Variants in KRR1 observed in about 807,000 individuals in gnomAD.
The protein encoded by KRR1 is KRR1 small subunit processome component homolog.
Under a neutral mutation model 50.0 loss-of-function variants are expected in KRR1, and 23 were observed. The observed-to-expected ratio is 0.46, with a 90% confidence interval of 0.33 to 0.65. The LOEUF (loss-of-function observed/expected upper bound fraction) is 0.65, where lower values mean the gene tolerates loss of function less well. Among genes scored for constraint, KRR1 ranks in the 30% least tolerant of loss-of-function variants. The pLI is 0.02. For synonymous variants in KRR1, 133 were observed against 146.3 expected (o/e 0.91, Z 0.66); for missense variants, 419 against 442.4 (o/e 0.95, Z 0.47).
chr12:75,506,740 A>G, intron 3 of KRR1, 42 bp downstream of exon 3: 1 of 1,595,316 alleles, frequency 6.3e-7, no homozygotes, highest in South Asian at 1.1e-5. Context: ...ATAGGTTAAC[A>G]CTGATGCAAA....
intron 7 of KRR1, chr12:75,503,339 T>A (rs2046407122): frequency 6.6e-6 from 1 of 152,128 alleles, no homozygotes; most frequent in Non-Finnish European, 1.5e-5. Context: ...GTAGCCACGT[T>A]GCAAGGAAGA....
chr12:75,509,830 C>G (rs2046438826), intron 1 of KRR1, among the ~76,000 whole-genome samples: 1 of 150,586 alleles, frequency 6.6e-6, no homozygotes, highest in Non-Finnish European at 1.5e-5. Flanking sequence ...CTCAAGCAAT[C>G]CCCCCTCCTC....
At chr12:75,510,989 A>G (rs1486519306) in intron 1 of KRR1, among the ~76,000 whole-genome samples, 1 of 152,232 alleles carries the variant, frequency 6.6e-6, no homozygotes, top group Non-Finnish European at 1.5e-5. Context: ...AACACAACCT[A>G]AACAGTAAGG....
rs2046421724 is a variant in KRR1 at position 75,506,413 on chromosome 12, T to C, written c.520-14A>G. On this transcript the variant is annotated splice_polypyrimidine_tract_variant and intron_variant, in intron 4 of 9. Transcript: ENST00000229214. ...GAGTTCCAATGCCTGTATCAAGAGA[T>C]CAAGTTAAAATTCATTACTCTGAAA... The C allele has an allele frequency of 1.2e-6, 2 of 1,605,388 alleles. No individual in the cohort carries two copies. Among genetic ancestry groups the C allele is most frequent in the South Asian group, 2.2e-5 (2 of 90,088 alleles).
At chr12:75,511,190 G>A (rs2046446766) in intron 1 of KRR1, among the ~76,000 whole-genome samples, 1 of 152,154 alleles carries the variant, frequency 6.6e-6, no homozygotes, top group Non-Finnish European at 1.5e-5. Context: ...TTCCGTCAGT[G>A]ACTTTCAGCC....
chr12:75,509,454 A>G (rs2120637352), intron 1 of KRR1, among the ~76,000 whole-genome samples: 1 of 152,304 alleles, frequency 6.6e-6, no homozygotes, highest in East Asian at 1.9e-4. Context: ...CTTTCTGCTT[A>G]TACTCACATC....
rs1177914892 is a variant in KRR1, at chr12:75,498,505, A to C, written c.*1304T>G. ...AAAAGGTTTATAAAGTTTATGTAAA[A>C]AGTCAACTTAAAAATACCAAGTTAA... On this transcript the variant is annotated 3_prime_UTR_variant, in exon 10 of 10. Coordinates refer to ENST00000229214, the MANE Select transcript of KRR1 (RefSeq NM_007043.7). 10 of 531,556 alleles carry C rather than the reference A, an allele frequency of 1.9e-5. No individual in the cohort carries two copies. Among genetic ancestry groups the C allele is most frequent in the East Asian group, 5.9e-5 (2 of 34,044 alleles). 32.9% of individuals were successfully genotyped at this position (531,556 alleles called of 1,614,324 possible).
Position 75,492,926 on chromosome 12 carries a change from A to G in KRR1, c.*6883T>C, listed in dbSNP as rs1053628199. ...AGGCCCCTGTTTAGAATAATCAGGG[A>G]AGGGCTTCTTGTGTTATATTTAAGC... On this transcript the variant is annotated 3_prime_UTR_variant, in exon 10 of 10. Coordinates refer to ENST00000229214, the MANE Select transcript of KRR1 (RefSeq NM_007043.7). The G allele has an allele frequency of 2.6e-5, 4 of 152,224 alleles. No homozygotes were observed. The highest frequency in any genetic ancestry group is 5.9e-5 in the Non-Finnish European group (4 of 68,042). The allele number at this position is 152,224 out of a possible 1,614,324, so 9.4% of individuals were successfully genotyped here. A position where few individuals can be genotyped will look rare whatever the true frequency, so the allele number is the denominator to read the frequency against.
At chr12:75,505,599 A>C (rs1037604525) in intron 5 of KRR1, among the ~76,000 whole-genome samples, 5 of 152,076 alleles carry the variant, frequency 3.3e-5, no homozygotes, top group Admixed American at 3.3e-4. Context: ...TTGTAATATA[A>C]GATAAAACCA....
At chr12:75,504,674 C>T (rs750325353) in intron 6 of KRR1, among the ~76,000 whole-genome samples, 45 of 151,974 alleles carry the variant, frequency 3.0e-4, no homozygotes, top group Non-Finnish European at 4.3e-4. Context: ...GCTCAACAAA[C>T]CCATCATAAA....
At chr12:75,500,802 T>C (rs2046388616) in intron 9 of KRR1, 1 of 152,044 alleles carries the variant, frequency 6.6e-6, no homozygotes. Context: ...CACAGAGTGT[T>C]AAAGCCTCCA....
At chr12:75,509,016 GTAT>G (rs1238764914) in intron 1 of KRR1, among the ~76,000 whole-genome samples, 2 of 152,048 alleles carry the variant, frequency 1.3e-5, no homozygotes, top group Non-Finnish European at 2.9e-5. Flanking sequence ...GGTAGAATCT[GTAT>G]TATTATTCTC....
rs751449948 is a variant in KRR1 at position 75,499,893 on chromosome 12, C to A, written c.1062G>T (p.Lys354Asn). 1.1e-5 allele frequency: 17 copies of A among 1,608,884 alleles called. No individual in the cohort carries two copies. In the African/African-American group the frequency reaches 1.5e-4, roughly 14 times the overall value. Residue 354 changes from lysine (K) to asparagine (N), a missense_variant, in exon 10 of 10, where the codon AAG (lysine) becomes AAT (asparagine). Transcript: ENST00000229214. ...ASIKEKVKKA[K>N]NKKLGALTAE... ...CTGTAAGAGCTCCCAGTTTCTTATT[C>A]TTTGCTTTCTTAACCTTTTCCTTGA...
Position 75,491,616 on chromosome 12 carries a change from T to C in KRR1, c.*8193A>G, listed in dbSNP as rs1324792236. The C allele has an allele frequency of 5.9e-5, 9 of 152,172 alleles. No homozygotes were observed. Among genetic ancestry groups the C allele is most frequent in the Non-Finnish European group, 8.8e-5 (6 of 68,016 alleles). The allele number at this position is 152,172 out of a possible 1,614,324, so 9.4% of individuals were successfully genotyped here. Reference sequence around the variant, plus strand: ...TCAATTTGTATTTCACCATCAGTACTAGGTATTATAATTTCTTAGTATTTT... The same window carrying C: ...TCAATTTGTATTTCACCATCAGTACCAGGTATTATAATTTCTTAGTATTTT... On this transcript the variant is annotated 3_prime_UTR_variant, in exon 10 of 10. Coordinates refer to ENST00000229214, the MANE Select transcript of KRR1 (RefSeq NM_007043.7).
In KRR1 at chr12:75,497,898, A is replaced by T. The variant is rs11180552; in HGVS notation, c.*1911T>A. 2.0e-5 allele frequency: 3 copies of T among 151,832 alleles called. No homozygotes were observed. Among genetic ancestry groups the T allele is most frequent in the Middle Eastern group, 3.4e-3 (1 of 290 alleles). 9.4% of individuals were successfully genotyped at this position (151,832 alleles called of 1,614,324 possible). On this transcript the variant is annotated 3_prime_UTR_variant, in exon 10 of 10. Transcript: ENST00000229214. ...ATTGAACATTTAAAAATATATATAA[A>T]AAAAAATAACTAGAACATCACACTC...
Position 75,494,656 on chromosome 12 carries a change from A to G in KRR1, c.*5153T>C, listed in dbSNP as rs183798421. 6.6e-6 allele frequency: 1 copy of G among 152,348 alleles called. No individual in the cohort carries two copies. Among genetic ancestry groups the G allele is most frequent in the East Asian group, 1.9e-4 (1 of 5,190 alleles). The allele number at this position is 152,348 out of a possible 1,614,324, so 9.4% of individuals were successfully genotyped here. ...GCCCATAGGCCTCACCAGACTGCCA[A>G]AGGGTACGATTACACAAAAAAGTTT... On this transcript the variant is annotated 3_prime_UTR_variant, in exon 10 of 10. Coordinates refer to ENST00000229214, the MANE Select transcript of KRR1 (RefSeq NM_007043.7).
In KRR1 at chr12:75,498,878, C is replaced by A; in HGVS notation, c.*931G>T. Reference sequence around the variant, plus strand: ...CCCATATATCCACGTAACAGATACACTTCTCTCTTTCTCATTGTTAATTCA... The same window carrying A: ...CCCATATATCCACGTAACAGATACAATTCTCTCTTTCTCATTGTTAATTCA... On this transcript the variant is annotated 3_prime_UTR_variant, in exon 10 of 10. Transcript: ENST00000229214. 2 of 1,609,866 alleles carry A rather than the reference C, an allele frequency of 1.2e-6. No homozygotes were observed. The highest frequency in any genetic ancestry group is 1.7e-6 in the Non-Finnish European group (2 of 1,176,458).
chr12:75,505,299 G>A (rs1566105195), intron 5 of KRR1, 45 bp from the exon 6 acceptor site: 2 of 1,536,996 alleles, frequency 1.3e-6, no homozygotes, highest in South Asian at 2.4e-5. Flanking sequence ...GGATTTTAAT[G>A]AGCTATGGAG....
In KRR1 at chr12:75,494,420, C is replaced by T; in HGVS notation, c.*5389G>A. The T allele has an allele frequency of 6.6e-6, 1 of 152,116 alleles. No homozygotes were observed. Among genetic ancestry groups the T allele is most frequent in the African/African-American group, 2.4e-5 (1 of 41,420 alleles). 9.4% of individuals were successfully genotyped at this position (152,116 alleles called of 1,614,324 possible). ...TTTGTAAATATCAGATATTTTCATA[C>T]CACATTCCACTTGCTGCAGAGAACT... On this transcript the variant is annotated 3_prime_UTR_variant, in exon 10 of 10. Coordinates refer to ENST00000229214, the MANE Select transcript of KRR1 (RefSeq NM_007043.7).
Sources: gnomAD v4.1 joint callset for allele counts (sites outside exome capture counted in the v4.1 genomes callset) on GRCh38, gnomAD v4.1.1 for gene constraint, MANE v1.5 for transcripts, NCBI Gene and HGNC (gene_info 2026-07-23, HGNC 2026-07-21) for gene names.